The following CDH13 variants were observed in gnomAD, a reference collection of about 807,000 sequenced individuals.
CDH13 encodes cadherin-13.
In CDH13, 24 loss-of-function variants were observed where a neutral mutation model predicts 63.8. The ratio of observed to expected loss-of-function variants is 0.38; its 90% CI spans 0.27 to 0.53. CDH13 has a LOEUF of 0.53. Among genes scored for constraint, CDH13 ranks in the 20% least tolerant of loss-of-function variants. The pLI, the probability that CDH13 is intolerant of heterozygous loss-of-function variation, is 0.85. For synonymous variants in CDH13, 503 were observed against 355.3 expected, an observed-to-expected ratio of 1.42 and a Z score of -4.67; for missense variants, 1,049 against 903.1, an observed-to-expected ratio of 1.16 and a Z score of -2.07.
At chr16:83,258,235 A>G (rs1003078683) in intron 5 of CDH13, among the ~76,000 whole-genome samples, 1 of 152,372 alleles carries the variant, frequency 6.6e-6, no homozygotes, top group East Asian at 1.9e-4. Context: ...AAGTCTGGCT[A>G]TATAAAAACA....
chr16:83,060,983 C>T (rs568685226), intron 3 of CDH13, among the ~76,000 whole-genome samples: 1 of 152,346 alleles, frequency 6.6e-6, no homozygotes, highest in African/African-American at 2.4e-5. Flanking sequence ...CTCACTCCTA[C>T]ACTCCTGCAG....
chr16:83,628,178 C>T (rs1221177881), intron 8 of CDH13, among the ~76,000 whole-genome samples: 5 of 152,186 alleles, frequency 3.3e-5, no homozygotes, highest in African/African-American at 4.8e-5. Context: ...CGCCTGGGAA[C>T]GCAGCCCAGT....
chr16:83,321,094 G>C (rs142355218), intron 5 of CDH13, among the ~76,000 whole-genome samples: 10 of 152,320 alleles, frequency 6.6e-5, no homozygotes, highest in Non-Finnish European at 1.5e-4. Flanking sequence ...AATACAAATA[G>C]AAGGAGATTG....
intron 4 of CDH13, among the ~76,000 whole-genome samples, chr16:83,162,913 T>C (rs4619382): frequency 0.22 from 32,966 of 151,990 alleles, 4,971 homozygotes; most frequent in African/African-American, 0.42. Flanking sequence ...CTCCCAAGTC[T>C]AGCACACTCA....
intron 3 of CDH13, among the ~76,000 whole-genome samples, chr16:83,070,890 C>G (rs528865789): frequency 1.8e-4 from 23 of 124,830 alleles, no homozygotes; most frequent in Middle Eastern, 5.3e-3. Context: ...ACCTAAACAA[C>G]AGGAGTTTAT....
intron 6 of CDH13, among the ~76,000 whole-genome samples, chr16:83,355,434 G>T (rs1005527383): frequency 3.3e-5 from 5 of 152,158 alleles, no homozygotes; most frequent in African/African-American, 1.2e-4. Flanking sequence ...AGAACTGAAT[G>T]GTTTTCTCTT....
At chr16:82,998,892 C>G (rs936524038) in intron 2 of CDH13, among the ~76,000 whole-genome samples, 3 of 142,646 alleles carry the variant, frequency 2.1e-5, no homozygotes, top group African/African-American at 8.1e-5. Flanking sequence ...AGATACTGCC[C>G]CTTCTCATTT....
At chr16:83,132,043 C>T (rs2036077294) in intron 4 of CDH13, among the ~76,000 whole-genome samples, 1 of 152,206 alleles carries the variant, frequency 6.6e-6, no homozygotes, top group South Asian at 2.1e-4. Context: ...TCCAGATACT[C>T]TGTACCTGAG....
chr16:83,673,014 T>G (rs1174011214), intron 9 of CDH13, among the ~76,000 whole-genome samples: 1 of 152,242 alleles, frequency 6.6e-6, no homozygotes, highest in African/African-American at 2.4e-5. Flanking sequence ...AATACATTAG[T>G]GCTTTTATGT....
intron 1 of CDH13, among the ~76,000 whole-genome samples, chr16:82,854,473 A>T (rs541180243): frequency 4.4e-4 from 67 of 151,948 alleles, no homozygotes; most frequent in African/African-American, 1.5e-3. Context: ...ACTATTATTG[A>T]CTAGTAAGAT....
In CDH13 at chr16:83,797,553, T is replaced by G. The variant is rs1427428573; in HGVS notation, c.*2523T>G. On this transcript the variant is annotated 3_prime_UTR_variant, in exon 14 of 14. Transcript: ENST00000567109. ...GAAAAAAAGGAAAATAAACCAATTCTTATAGGCCAAAGTGGTAGCATTTCC... is the reference window on the plus strand; with the variant it reads ...GAAAAAAAGGAAAATAAACCAATTCGTATAGGCCAAAGTGGTAGCATTTCC... 2.0e-5 allele frequency: 3 copies of G among 152,254 alleles called. No individual in the cohort carries two copies. Among genetic ancestry groups the G allele is most frequent in the African/African-American group, 7.2e-5 (3 of 41,470 alleles). The allele number at this position is 152,254 out of a possible 1,614,324, so 9.4% of individuals were successfully genotyped here.
intron 1 of CDH13, among the ~76,000 whole-genome samples, chr16:82,835,458 C>T (rs1490110593): frequency 2.0e-5 from 3 of 152,154 alleles, no homozygotes; most frequent in South Asian, 2.1e-4. Context: ...AATATTGTAC[C>T]CACCCAGCAA....
At chr16:83,382,415 C>T (rs891578874) in intron 6 of CDH13, among the ~76,000 whole-genome samples, 1 of 152,118 alleles carries the variant, frequency 6.6e-6, no homozygotes, top group Non-Finnish European at 1.5e-5. Flanking sequence ...ACGAACAGAA[C>T]AAAGAACTTC....
intron 10 of CDH13, among the ~76,000 whole-genome samples, chr16:83,711,591 C>T (rs548896806): frequency 6.6e-6 from 1 of 152,318 alleles, no homozygotes; most frequent in Admixed American, 6.5e-5. Flanking sequence ...TCTTGACTCA[C>T]CACAACCTCT....
intron 4 of CDH13, among the ~76,000 whole-genome samples, chr16:83,139,012 A>G (rs766650018): frequency 6.6e-6 from 1 of 151,750 alleles, no homozygotes; most frequent in Non-Finnish European, 1.5e-5. Flanking sequence ...CGGAGGTGTT[A>G]CTTTGTGGGA....
At position 82,945,560 on chromosome 16, in the gene CDH13, G is replaced by A. The variant is rs146410475; in HGVS notation, c.158-86450G>A. Among the ~76,000 whole-genome samples the A allele has an allele frequency of 6.0e-3, 914 of 152,286 alleles. 12 individuals are homozygous for A. The highest frequency in any genetic ancestry group is 0.021 in the African/African-American group (853 of 41,564). On this transcript the variant is annotated intron_variant, in intron 2 of 13. Transcript: ENST00000567109. ...ATATCTTCTTAGGGCATTTACTGTG[G>A]TGCATATCAAGGATTTTGTGTTTTT...
chr16:82,990,681 G>T (rs1291516955), intron 2 of CDH13, among the ~76,000 whole-genome samples: 2 of 151,786 alleles, frequency 1.3e-5, no homozygotes, highest in African/African-American at 4.8e-5. Flanking sequence ...TGAGTAGCTA[G>T]AATTACAGGT....
intron 6 of CDH13, among the ~76,000 whole-genome samples, chr16:83,391,039 C>G (rs2091775544): frequency 6.6e-6 from 1 of 152,146 alleles, no homozygotes. Context: ...ACAGTATCTA[C>G]TGGTGGGTTG....
chr16:83,282,791 C>T (rs1196155228), intron 5 of CDH13, among the ~76,000 whole-genome samples: 3 of 152,332 alleles, frequency 2.0e-5, no homozygotes, highest in East Asian at 1.9e-4. Flanking sequence ...ATTGCTTCCT[C>T]ATTCAGGGCT....
Sources: gnomAD v4.1 joint callset for allele counts (sites outside exome capture counted in the v4.1 genomes callset) on GRCh38, gnomAD v4.1.1 for gene constraint, MANE v1.5 for transcripts, NCBI Gene and HGNC (gene_info 2026-07-23, HGNC 2026-07-21) for gene names.